The following SCFD2 variants were observed in gnomAD, a reference collection of about 807,000 sequenced individuals.
The protein encoded by SCFD2 is sec1 family domain-containing protein 2.
A neutral mutation model predicts 58.9 loss-of-function variants in SCFD2; 54 were observed. That is an observed-to-expected ratio of 0.92 (90% CI 0.74 to 1.15). The LOEUF is 1.15. SCFD2 is among the 50% of genes most tolerant of loss of function. SCFD2 has a pLI of 0.00. For synonymous variants in SCFD2, 321 were observed against 335.9 expected (o/e 0.96, Z 0.49); for missense variants, 805 against 836.6 (o/e 0.96, Z 0.47).
rs575789965 is a variant in SCFD2 at position 52,994,262 on chromosome 4, C to G, written c.1562-73392G>C. Among the ~76,000 whole-genome samples, 13 of 152,342 alleles carry G rather than the reference C, an allele frequency of 8.5e-5. No homozygotes were observed. The South Asian group carries it at 2.7e-3, about 32-fold the overall frequency. On this transcript the variant is annotated intron_variant, in intron 5 of 8. Coordinates refer to ENST00000401642, the MANE Select transcript of SCFD2 (RefSeq NM_152540.4). ...TGTTTTTCTTAACACTGCCTTACTA[C>G]TTCAGTTTTCTTCAAAACTCTAACA...
intron 4 of SCFD2, among the ~76,000 whole-genome samples, chr4:53,217,309 G>T (rs996931688): frequency 6.6e-6 from 1 of 152,186 alleles, no homozygotes; most frequent in African/African-American, 2.4e-5. Context: ...CTAAGGACTT[G>T]CTTTATGAAA....
At chr4:52,969,091 G>A (rs1721033083) in intron 5 of SCFD2, among the ~76,000 whole-genome samples, 1 of 152,158 alleles carries the variant, frequency 6.6e-6, no homozygotes, top group African/African-American at 2.4e-5. Context: ...CAAGAATCCT[G>A]TTAGGTGGGT....
At chr4:53,016,742 T>A (rs964188462) in intron 5 of SCFD2, among the ~76,000 whole-genome samples, 9 of 152,330 alleles carry the variant, frequency 5.9e-5, no homozygotes, top group Admixed American at 3.3e-4. Flanking sequence ...GGGATTTTTT[T>A]AAAAACTGCT....
At chr4:53,228,100 G>C (rs558872834) in intron 4 of SCFD2, among the ~76,000 whole-genome samples, 11 of 152,242 alleles carry the variant, frequency 7.2e-5, no homozygotes, top group African/African-American at 1.7e-4. Context: ...AACAAGGATA[G>C]TTCCTAGAAC....
At chr4:53,340,222 T>A (rs1733820028) in intron 2 of SCFD2, among the ~76,000 whole-genome samples, 1 of 151,988 alleles carries the variant, frequency 6.6e-6, no homozygotes, top group Non-Finnish European at 1.5e-5. Context: ...CAAGGGAAGC[T>A]GTGACAGACG....
At chr4:53,352,796 C>T in intron 1 of SCFD2, 30 bp from the exon 2 acceptor site, 1 of 1,582,788 alleles carries the variant, frequency 6.3e-7, no homozygotes, top group Non-Finnish European at 8.6e-7. Context: ...GATGTAAATT[C>T]ATAAAATGGG....
chr4:52,925,221 A>G (rs980806982), intron 5 of SCFD2, among the ~76,000 whole-genome samples: 25 of 151,834 alleles, frequency 1.6e-4, no homozygotes, highest in African/African-American at 5.6e-4. Context: ...GTTAAACACT[A>G]CATTCTGCTG....
At chr4:53,349,453 A>C (rs895662925) in intron 2 of SCFD2, among the ~76,000 whole-genome samples, 2 of 152,218 alleles carry the variant, frequency 1.3e-5, no homozygotes, top group Non-Finnish European at 2.9e-5. Context: ...AGATGTGAGC[A>C]AGATAGCTGC....
intron 3 of SCFD2, among the ~76,000 whole-genome samples, chr4:53,302,222 C>A (rs1391237688): frequency 6.6e-6 from 1 of 152,214 alleles, no homozygotes; most frequent in Non-Finnish European, 1.5e-5. Flanking sequence ...AGCCCAAAAT[C>A]TCCTTCAGCT....
At chr4:53,209,455 C>A (rs1344889521) in intron 4 of SCFD2, among the ~76,000 whole-genome samples, 2 of 152,118 alleles carry the variant, frequency 1.3e-5, no homozygotes, top group Non-Finnish European at 2.9e-5. Flanking sequence ...ATCAGTTCCT[C>A]TTGGAATATA....
chr4:52,963,471 A>G (rs550995895), intron 5 of SCFD2, among the ~76,000 whole-genome samples: 7 of 152,178 alleles, frequency 4.6e-5, no homozygotes, highest in African/African-American at 1.4e-4. Flanking sequence ...AAGGCAATGT[A>G]TCTTTCTGAG....
chr4:53,313,898 G>A, intron 2 of SCFD2, 135 bp from the exon 3 acceptor site: 2 of 667,268 alleles, frequency 3.0e-6, no homozygotes, highest in Non-Finnish European at 4.9e-6. Flanking sequence ...CTAAGTATTA[G>A]GATTAAATAA....
At chr4:52,894,702 T>C (rs1403082040) in intron 7 of SCFD2, among the ~76,000 whole-genome samples, 2 of 152,222 alleles carry the variant, frequency 1.3e-5, no homozygotes, top group Admixed American at 6.5e-5. Flanking sequence ...CCTTTGAAGC[T>C]GACAGCTTTG....
At chr4:53,053,545 A>G (rs751051996) in intron 5 of SCFD2, among the ~76,000 whole-genome samples, 25 of 152,154 alleles carry the variant, frequency 1.6e-4, no homozygotes, top group African/African-American at 3.1e-4. Flanking sequence ...CTACTCCCCA[A>G]TCAGATGCCC....
intron 6 of SCFD2, among the ~76,000 whole-genome samples, chr4:52,908,449 T>C (rs1461379728): frequency 5.9e-5 from 9 of 152,192 alleles, no homozygotes; most frequent in Non-Finnish European, 1.3e-4. Context: ...GTCTGGGGCA[T>C]GAAGGGCAAA....
At chr4:53,342,994 C>T (rs188974486) in intron 2 of SCFD2, among the ~76,000 whole-genome samples, 1,875 of 152,190 alleles carry the variant, frequency 0.012, 12 homozygotes, top group Non-Finnish European at 0.021. Context: ...TAAATGCCCA[C>T]AAGAGAAAGC....
intron 4 of SCFD2, among the ~76,000 whole-genome samples, chr4:53,156,410 A>AG (rs1241392125): frequency 4.0e-5 from 6 of 150,578 alleles, no homozygotes; most frequent in African/African-American, 1.5e-4. Flanking sequence ...AAAAAAAAAA[A>AG]AAAAGAAAAG....
intron 5 of SCFD2, among the ~76,000 whole-genome samples, chr4:53,134,377 AAC>A (rs1295391737): frequency 1.3e-5 from 2 of 152,328 alleles, no homozygotes; most frequent in African/African-American, 4.8e-5. Flanking sequence ...TTAAAAAAAA[AAC>A]AGTGCTTTTT....
chr4:53,008,157 C>T (rs553181744), intron 5 of SCFD2, among the ~76,000 whole-genome samples: 10 of 152,278 alleles, frequency 6.6e-5, no homozygotes, highest in Admixed American at 2.6e-4. Context: ...CAGGGTCATG[C>T]GTAGGCCCAA....
Sources: allele counts gnomAD v4.1 joint callset (sites outside exome capture counted in the v4.1 genomes callset), GRCh38; gene constraint gnomAD v4.1.1; transcripts MANE v1.5; gene names NCBI Gene and HGNC (gene_info 2026-07-23, HGNC 2026-07-21).